SAMD12: variants seen among roughly 807,000 people sequenced by gnomAD.
The protein encoded by SAMD12 is sterile alpha motif domain-containing protein 12.
SAMD12 carries 9 observed loss-of-function variants against 15.0 expected under a neutral mutation model. That is an observed-to-expected ratio of 0.60 (90% CI 0.36 to 1.05). SAMD12 has a LOEUF of 1.05. Ranked by LOEUF, SAMD12 falls within the 50% of genes least tolerant of loss-of-function variation. The pLI, the probability that SAMD12 is intolerant of heterozygous loss-of-function variation, is 0.01. For synonymous variants in SAMD12, 86 were observed against 90.1 expected (o/e 0.96, Z 0.25); for missense variants, 230 against 234.2 (o/e 0.98, Z 0.12).
chr8:118,471,379 A>C (rs932295615), intron 2 of SAMD12, among the ~76,000 whole-genome samples: 1 of 152,232 alleles, frequency 6.6e-6, no homozygotes, highest in Non-Finnish European at 1.5e-5. Context: ...GAAGGTTAGC[A>C]TGAAGCAATT....
intron 3 of SAMD12, among the ~76,000 whole-genome samples, chr8:118,396,246 AATG>A (rs1423462719): frequency 6.6e-6 from 1 of 152,106 alleles, no homozygotes. Context: ...TCATCTGTAA[AATG>A]ATAATTATCA....
At chr8:118,488,653 CTTTTG>C (rs1299014962) in intron 2 of SAMD12, among the ~76,000 whole-genome samples, 3 of 152,174 alleles carry the variant, frequency 2.0e-5, no homozygotes, top group Non-Finnish European at 4.4e-5. Flanking sequence ...TGTCTGGCTC[CTTTTG>C]TTTTGTACAA....
chr8:118,272,744 T>G (rs773175039), intron 4 of SAMD12, among the ~76,000 whole-genome samples: 6 of 152,180 alleles, frequency 3.9e-5, no homozygotes, highest in Non-Finnish European at 8.8e-5. Flanking sequence ...AAGAGTCATC[T>G]TTACTCCTGT....
At chr8:118,159,138 C>T in the SAMD12 span, among the ~76,000 whole-genome samples, 3 of 152,096 alleles carry the variant, frequency 2.0e-5, no homozygotes, top group Non-Finnish European at 4.4e-5. Context: ...GAGGGAAGAA[C>T]TGTGGCCCTT....
chr8:118,331,093 A>G (rs7005199), intron 4 of SAMD12, among the ~76,000 whole-genome samples: 3,628 of 152,316 alleles, frequency 0.024, 149 homozygotes, highest in African/African-American at 0.075. Flanking sequence ...TTGCAAAAAT[A>G]TCCTGAGATG....
chr8:118,558,925 G>T (rs1365748809), intron 2 of SAMD12, among the ~76,000 whole-genome samples: 1 of 152,182 alleles, frequency 6.6e-6, no homozygotes, highest in Non-Finnish European at 1.5e-5. Context: ...AACTCATGCT[G>T]TTCGTTGTTC....
intron 4 of SAMD12, among the ~76,000 whole-genome samples, chr8:118,243,728 T>C (rs1812623538): frequency 6.6e-6 from 1 of 152,140 alleles, no homozygotes; most frequent in African/African-American, 2.4e-5. Context: ...TCTGCACACA[T>C]ACCCAGAGTG....
intron 4 of SAMD12, among the ~76,000 whole-genome samples, chr8:118,345,210 T>A (rs1157637919): frequency 6.6e-6 from 1 of 152,210 alleles, no homozygotes; most frequent in African/African-American, 2.4e-5. Context: ...ACCTATAGTA[T>A]TCAGTACAGT....
At chr8:118,353,675 AG>A (rs1818075774) in intron 4 of SAMD12, among the ~76,000 whole-genome samples, 1 of 152,134 alleles carries the variant, frequency 6.6e-6, no homozygotes, top group Admixed American at 6.5e-5. Flanking sequence ...TTAAACATTA[AG>A]GGGGGAAAAT....
intron 4 of SAMD12, among the ~76,000 whole-genome samples, chr8:118,236,584 C>T (rs573219242): frequency 2.8e-4 from 43 of 152,270 alleles, no homozygotes; most frequent in Middle Eastern, 3.4e-3. Context: ...GGAAAAAAAC[C>T]TCGCCTGGGC....
In SAMD12 at chr8:118,241,244, C is replaced by A. The variant is rs927667403; in HGVS notation, c.434-43512G>T. ...ATACTCAAGTTTCTGTTCTTCTTGG[C>A]CCAATGGTTCATTCTATCTGTGTAA... On this transcript the variant is annotated intron_variant, in intron 4 of 4. Transcript: ENST00000409003. Among the ~76,000 whole-genome samples, 17 of 152,090 alleles carry A rather than the reference C, an allele frequency of 1.1e-4. 2 individuals carry two copies. The highest frequency in any genetic ancestry group is 1.1e-3 in the Admixed American group (17 of 15,264).
chr8:118,579,088 A>G (rs895341891), intron 2 of SAMD12, among the ~76,000 whole-genome samples: 2 of 152,200 alleles, frequency 1.3e-5, no homozygotes, highest in Non-Finnish European at 2.9e-5. Flanking sequence ...AAATAAAATC[A>G]TATCAGATTT....
chr8:118,553,107 C>A (rs1177094499), intron 2 of SAMD12, among the ~76,000 whole-genome samples: 1 of 151,460 alleles, frequency 6.6e-6, no homozygotes, highest in East Asian at 1.9e-4. Context: ...CCATACTGCC[C>A]AAGGTAATTT....
the SAMD12 span, among the ~76,000 whole-genome samples, chr8:118,175,024 C>CAAAAAAAAACAAAAAAAAAAAAA: frequency 1.6e-5 from 1 of 63,504 alleles, no homozygotes; most frequent in African/African-American, 4.0e-5. Flanking sequence ...AGCAGTAAAG[C>CAAAAAAAAACAAAAAAAAAAAAA]AAAAAAAAAC....
At chr8:118,472,611 G>T (rs1239421623) in intron 2 of SAMD12, among the ~76,000 whole-genome samples, 2 of 151,900 alleles carry the variant, frequency 1.3e-5, no homozygotes, top group Non-Finnish European at 2.9e-5. Context: ...GGAGTTTGAG[G>T]ATATAGTGAG....
intron 3 of SAMD12, among the ~76,000 whole-genome samples, chr8:118,390,440 T>C (rs16890943): frequency 0.015 from 2,346 of 152,290 alleles, 56 homozygotes; most frequent in African/African-American, 0.051. Context: ...TTCCATTCTG[T>C]GTAGCCTATT....
chr8:118,160,301 A>AT, the SAMD12 span, among the ~76,000 whole-genome samples: 1 of 152,222 alleles, frequency 6.6e-6, no homozygotes, highest in African/African-American at 2.4e-5. Flanking sequence ...AATATTTTTA[A>AT]TTTTTTCCAA....
intron 1 of SAMD12, among the ~76,000 whole-genome samples, chr8:118,597,422 G>A (rs1827751282): frequency 6.6e-6 from 1 of 152,236 alleles, no homozygotes; most frequent in Non-Finnish European, 1.5e-5. Flanking sequence ...GGTAATGTCA[G>A]TGAGGATTTA....
At chr8:118,230,653 GA>G (rs765235659) in intron 4 of SAMD12, among the ~76,000 whole-genome samples, 20 of 151,918 alleles carry the variant, frequency 1.3e-4, no homozygotes, top group Admixed American at 5.2e-4. Flanking sequence ...CATTTATACT[GA>G]AAACTGAATG....
Sources: allele counts gnomAD v4.1 joint callset (sites outside exome capture counted in the v4.1 genomes callset), GRCh38; gene constraint gnomAD v4.1.1; transcripts MANE v1.5; gene names NCBI Gene and HGNC (gene_info 2026-07-23, HGNC 2026-07-21).